Variants in ATP11C observed in about 807,000 individuals in gnomAD.
ATP11C encodes phospholipid-transporting ATPase IG.
A neutral mutation model predicts 97.4 loss-of-function variants in ATP11C; 36 were observed. The ratio of observed to expected loss-of-function variants is 0.37; its 90% CI spans 0.28 to 0.49. The LOEUF (loss-of-function observed/expected upper bound fraction) is 0.49. Ranked by LOEUF, ATP11C falls within the 20% of genes least tolerant of loss-of-function variation. The pLI is 0.98. For synonymous variants in ATP11C, 275 were observed against 290.9 expected (o/e 0.95, Z 0.56); for missense variants, 730 against 824.6 (o/e 0.89, Z 1.40).
chrX:139,892,943 T>C (rs1047588919), intron 1 of ATP11C, among the ~76,000 whole-genome samples: 1 of 111,648 alleles, frequency 9.0e-6, no homozygotes, highest in African/African-American at 3.3e-5. Context: ...AAAGAGGTGC[T>C]CAAAAATACC....
At chrX:139,782,431 T>C in intron 18 of ATP11C, 116 bp downstream of exon 18, 1 of 440,767 alleles carries the variant, frequency 2.3e-6, no homozygotes, top group Non-Finnish European at 3.6e-6. Flanking sequence ...AATCTTTAAG[T>C]CCACTTAAAC....
rs138405459 is a variant in ATP11C at position 139,838,095 on chromosome X, C to G, written c.28-11272G>C. Among the ~76,000 whole-genome samples, 1,073 of 111,807 alleles carry G rather than the reference C, an allele frequency of 9.6e-3. 17 individuals are homozygous for G. Among genetic ancestry groups the G allele is most frequent in the African/African-American group, 0.033 (1,001 of 30,781 alleles). On this transcript the variant is annotated intron_variant, in intron 1 of 29. Transcript: ENST00000682941. ...AAATGATTTAACCAATACATATGTTCAGAAGGAAGAAACTTCTTTGGATGT... is the reference window on the plus strand; with the variant it reads ...AAATGATTTAACCAATACATATGTTGAGAAGGAAGAAACTTCTTTGGATGT...
intron 15 of ATP11C, among the ~76,000 whole-genome samples, chrX:139,786,799 C>A (rs1420057427): frequency 8.9e-6 from 1 of 112,226 alleles, no homozygotes; most frequent in Non-Finnish European, 1.9e-5. Context: ...GCCTTTATTG[C>A]CTGGGCTTGC....
intron 1 of ATP11C, among the ~76,000 whole-genome samples, chrX:139,927,104 A>C: frequency 8.9e-6 from 1 of 112,112 alleles, no homozygotes; most frequent in Non-Finnish European, 1.9e-5. Flanking sequence ...TATGTCACAA[A>C]TGTATTCAAT....
chrX:139,728,865 T>G lies in ATP11C; in HGVS notation c.*101A>C. 1 of 1,130,499 alleles carries G rather than the reference T, an allele frequency of 8.8e-7. No individual in the cohort carries two copies. The highest frequency in any genetic ancestry group is 3.0e-5 in the East Asian group (1 of 33,279). 93.2% of individuals were successfully genotyped at this position (1,130,499 alleles called of 1,213,427 possible). A position where few individuals can be genotyped will look rare whatever the true frequency, so the allele number is the denominator to read the frequency against. ...TTGCGTATCAAGTATCCTGAGATGA[T>G]AACTTTTTGTAGTTGTTTCTTCATG... is the stretch of plus-strand genomic sequence containing the variant. On this transcript the variant is annotated 3_prime_UTR_variant, in exon 30 of 30. Transcript: ENST00000682941.
chrX:139,809,809 C>CA (rs1160602631), intron 5 of ATP11C, among the ~76,000 whole-genome samples: 1 of 109,805 alleles, frequency 9.1e-6, no homozygotes, highest in African/African-American at 3.3e-5. Context: ...ACTAAAAATA[C>CA]AAAAAAATTA....
At chrX:139,778,518 C>T (rs2082392281) in intron 18 of ATP11C, among the ~76,000 whole-genome samples, 1 of 111,765 alleles carries the variant, frequency 8.9e-6, no homozygotes, top group South Asian at 3.8e-4. Context: ...CATAGATTGC[C>T]GCAATGAATA....
At chrX:139,825,045 G>A (rs907458390) in intron 2 of ATP11C, among the ~76,000 whole-genome samples, 8 of 111,582 alleles carry the variant, frequency 7.2e-5, no homozygotes. Flanking sequence ...CTCCATTTAG[G>A]AGACAGTATC....
At chrX:139,737,154 A>C (rs771289723) in intron 28 of ATP11C, among the ~76,000 whole-genome samples, 3 of 111,278 alleles carry the variant, frequency 2.7e-5, no homozygotes, top group Admixed American at 9.6e-5. Flanking sequence ...TGTTGGCAGG[A>C]ATATGACATA....
chrX:139,929,187 C>T (rs1252156506), intron 1 of ATP11C, among the ~76,000 whole-genome samples: 1 of 111,616 alleles, frequency 9.0e-6, no homozygotes, highest in East Asian at 2.8e-4. Context: ...ACAGGTGGTG[C>T]TTTTATTGCA....
intron 18 of ATP11C, among the ~76,000 whole-genome samples, chrX:139,775,885 T>C (rs56195147): frequency 0.059 from 6,642 of 112,320 alleles, 460 homozygotes; most frequent in African/African-American, 0.2. Flanking sequence ...TCTCTGCCCT[T>C]GAGTTATCAT....
chrX:139,804,694 T>G, intron 5 of ATP11C, 95 bp from the exon 6 acceptor site: 171 of 670,077 alleles, frequency 2.6e-4, no homozygotes, highest in Middle Eastern at 5.3e-4. Flanking sequence ...AGATTATCTC[T>G]AGCTCTGGGG....
At chrX:139,877,589 T>C (rs2084494538) in intron 1 of ATP11C, among the ~76,000 whole-genome samples, 1 of 111,472 alleles carries the variant, frequency 9.0e-6, no homozygotes, top group Non-Finnish European at 1.9e-5. Flanking sequence ...GGAATGAAAA[T>C]GTTAAAGAAT....
rs1362078925 is a variant in ATP11C, at chrX:139,742,871, AAAAAAATATATAT to A, written c.3030+675_3030+687del. Among the ~76,000 whole-genome samples the A allele has an allele frequency of 7.8e-3, 175 of 22,371 alleles. 2 individuals are homozygous for A. Among genetic ancestry groups the A allele is most frequent in the African/African-American group, 0.025 (153 of 6,219 alleles). The allele number at this position is 22,371 out of a possible 115,157, so 19.4% of individuals were successfully genotyped here. On this transcript the variant is annotated intron_variant, in intron 26 of 29. Coordinates refer to ENST00000682941, the MANE Select transcript of ATP11C (RefSeq NM_001353812.2). ...TTATATTTATTTTTAAATTAAAAAAAAAAAAATATATATATATATATATATATATATATATATA... is the reference window on the plus strand; with the variant it reads ...TTATATTTATTTTTAAATTAAAAAAAATATATATATATATATATATATATA...
At chrX:139,911,515 C>T (rs1161981302) in intron 1 of ATP11C, among the ~76,000 whole-genome samples, 2 of 111,785 alleles carry the variant, frequency 1.8e-5, no homozygotes, top group Non-Finnish European at 3.8e-5. Flanking sequence ...TCATATATTG[C>T]TAGTGAGAAT....
chrX:139,846,927 G>T (rs1263785077), intron 1 of ATP11C, among the ~76,000 whole-genome samples: 1 of 102,537 alleles, frequency 9.8e-6, no homozygotes, highest in Non-Finnish European at 2.0e-5. Flanking sequence ...GAAAATGCCT[G>T]TACAAAAAAA....
chrX:139,912,787 T>C (rs1473509020), intron 1 of ATP11C, among the ~76,000 whole-genome samples: 1 of 112,074 alleles, frequency 8.9e-6, no homozygotes, highest in South Asian at 3.7e-4. Flanking sequence ...CTTTAATAAG[T>C]AATATGTCTG....
chrX:139,734,730 T>A (rs1050547051), intron 28 of ATP11C, among the ~76,000 whole-genome samples: 3 of 111,391 alleles, frequency 2.7e-5, no homozygotes, highest in Non-Finnish European at 5.7e-5. Context: ...TGCAGCTTTG[T>A]CACTTCATAA....
intron 22 of ATP11C, among the ~76,000 whole-genome samples, chrX:139,761,570 T>A (rs759511746): frequency 1.2e-3 from 138 of 110,764 alleles, no homozygotes; most frequent in Non-Finnish European, 2.1e-3. Context: ...CCTCAAGTGA[T>A]CCTCCCGCCT....
Sources: allele counts gnomAD v4.1 joint callset (sites outside exome capture counted in the v4.1 genomes callset), GRCh38; gene constraint gnomAD v4.1.1; transcripts MANE v1.5; gene names NCBI Gene and HGNC (gene_info 2026-07-23, HGNC 2026-07-21).